Variants in TLE4 observed in about 807,000 individuals in gnomAD.
TLE4 encodes transducin-like enhancer protein 4.
In TLE4, 8 loss-of-function variants were observed where a neutral mutation model predicts 92.8. The observed-to-expected ratio is 0.09, with a 90% CI of 0.05 to 0.16. The LOEUF (loss-of-function observed/expected upper bound fraction) is 0.16, where lower values mean the gene tolerates loss of function less well. Among genes scored for constraint, TLE4 ranks in the 10% least tolerant of loss-of-function variants. The pLI is 1.00. For missense variants in TLE4, 675 were observed against 997.6 expected (o/e 0.68, Z 4.36); for synonymous variants, 371 against 374.1 (o/e 0.99, Z 0.10).
At position 79,574,275 on chromosome 9, in the gene TLE4, C is replaced by T. The variant is rs2036972414; in HGVS notation, c.143+489C>T. 1.3e-5 allele frequency: 2 copies of T among 152,014 alleles called. 1 individual carries two copies. The highest frequency in any genetic ancestry group is 4.1e-4 in the South Asian group (2 of 4,832). The allele number at this position is 152,014 out of a possible 1,614,324, so 9.4% of individuals were successfully genotyped here. A position where few individuals can be genotyped will look rare whatever the true frequency, so the allele number is the denominator to read the frequency against. On this transcript the variant is annotated intron_variant, in intron 2 of 19. Coordinates refer to ENST00000376552, the MANE Select transcript of TLE4 (RefSeq NM_007005.6). ...TAGACGATTTTTAGACTTAGGGTGC[C>T]TTTGAGACATTTTTCTTTAGCTGGC...
At chr9:79,624,364 G>A (rs534817521) in intron 5 of TLE4, among the ~76,000 whole-genome samples, 5 of 152,240 alleles carry the variant, frequency 3.3e-5, no homozygotes, top group African/African-American at 9.6e-5. Context: ...GGCTGAGTGA[G>A]CTAATATATT....
At chr9:79,708,311 T>A in intron 12 of TLE4, 61 bp downstream of exon 12, 2 of 1,570,990 alleles carry the variant, frequency 1.3e-6, no homozygotes, top group South Asian at 1.1e-5. Context: ...TTAAAGCAAT[T>A]TAAGGAGTAC....
intron 14 of TLE4, 139 bp from the exon 15 acceptor site, chr9:79,718,583 A>T: frequency 7.8e-7 from 1 of 1,283,732 alleles, no homozygotes; most frequent in Non-Finnish European, 1.1e-6. Context: ...TATGTTCTTT[A>T]CACTGTATGG....
chr9:79,669,361 T>C (rs1392477393), intron 8 of TLE4, among the ~76,000 whole-genome samples: 1 of 152,140 alleles, frequency 6.6e-6, no homozygotes, highest in African/African-American at 2.4e-5. Flanking sequence ...AGATTTGGAA[T>C]AAGTAGTGAG....
At position 79,708,649 on chromosome 9, in the gene TLE4, A is replaced by G; in HGVS notation, c.1126A>G (p.Ile376Val). 1 of 1,613,986 alleles carries G rather than the reference A, an allele frequency of 6.2e-7. No homozygotes were observed. The highest frequency in any genetic ancestry group is 8.5e-7 in the Non-Finnish European group (1 of 1,180,004). ...VPCPYPTPFG[I>V]VPHAGMNGEL... Reference sequence around the variant, plus strand: ...TTGTCCATATCCAACTCCATTTGGGATTGTGCCCCATGCTGGAATGAACGG... The same window carrying G: ...TTGTCCATATCCAACTCCATTTGGGGTTGTGCCCCATGCTGGAATGAACGG... Residue 376 changes from isoleucine to valine, a missense_variant, in exon 13 of 20, where the codon ATT (isoleucine) becomes GTT (valine). By Grantham distance (29) the Ile-to-Val change is conservative. This residue lies in a region of TLE4 where 119 missense variants were observed against 175.9 expected (regional missense o/e 0.68). Transcript: ENST00000376552.
chr9:79,572,339 A>G lies in TLE4; in HGVS notation c.-452A>G, dbSNP rs2036042581. The G allele has an allele frequency of 1.3e-5, 2 of 152,216 alleles. No homozygotes were observed. Among genetic ancestry groups the G allele is most frequent in the South Asian group, 4.1e-4 (2 of 4,834 alleles). The allele number at this position is 152,216 out of a possible 1,614,324, so 9.4% of individuals were successfully genotyped here. A position where few individuals can be genotyped will look rare whatever the true frequency, so the allele number is the denominator to read the frequency against. On this transcript the variant is annotated 5_prime_UTR_variant, in exon 1 of 20. Coordinates refer to ENST00000376552, the MANE Select transcript of TLE4 (RefSeq NM_007005.6). ...TTGCTTTTAGGGAAGAAGAAAGATC[A>G]TTCATTCGGAGGAATAACAACCAAT...
Position 79,612,723 on chromosome 9 carries a change from G to C in TLE4, c.315+5G>C. On this transcript the variant is annotated splice_donor_5th_base_variant and intron_variant, in intron 5 of 19. Coordinates refer to ENST00000376552, the MANE Select transcript of TLE4 (RefSeq NM_007005.6). ...ATTCCTTTCCTGTCCCAAGAGGTAA[G>C]GTAGTTGATTTTAGGCACTGGACTA... 6.2e-7 allele frequency: 1 copy of C among 1,612,948 alleles called. No individual in the cohort carries two copies. Among genetic ancestry groups the C allele is most frequent in the African/African-American group, 1.3e-5 (1 of 74,930 alleles).
At chr9:79,627,949 C>T (rs2053083958) in intron 6 of TLE4, among the ~76,000 whole-genome samples, 1 of 152,134 alleles carries the variant, frequency 6.6e-6, no homozygotes, top group South Asian at 2.1e-4. Flanking sequence ...AGATGAACTA[C>T]ACTTTATTTT....
intron 4 of TLE4, among the ~76,000 whole-genome samples, chr9:79,597,081 A>G (rs7867391): frequency 0.038 from 5,776 of 152,242 alleles, 208 homozygotes; most frequent in African/African-American, 0.093. Flanking sequence ...CAGGTTTTAC[A>G]CACTGGAATC....
intron 6 of TLE4, among the ~76,000 whole-genome samples, chr9:79,644,241 C>T (rs747265241): frequency 2.6e-4 from 40 of 152,090 alleles, no homozygotes; most frequent in Admixed American, 7.2e-4. Context: ...CCTGCTGCCA[C>T]GTGAAGAAGG....
At chr9:79,649,301 C>CA (rs2058579197) in intron 6 of TLE4, among the ~76,000 whole-genome samples, 1 of 144,690 alleles carries the variant, frequency 6.9e-6, no homozygotes, top group African/African-American at 2.5e-5. Context: ...CACACACACA[C>CA]AACAAGGCAG....
At chr9:79,666,163 CTGTG>C (rs34558090) in intron 8 of TLE4, among the ~76,000 whole-genome samples, 21,530 of 126,048 alleles carry the variant, frequency 0.17, 1,992 homozygotes, top group African/African-American at 0.27. Flanking sequence ...TTTCCTTCAT[CTGTG>C]TGTGTGTGTG....
Position 79,666,163 on chromosome 9 carries a change from C to CTG in TLE4, c.609+12121_609+12122dup, listed in dbSNP as rs34558090. 7.9e-3 allele frequency among the ~76,000 whole-genome samples: 1,001 copies of CTG among 126,444 alleles called. 8 individuals are homozygous for CTG. The highest frequency in any genetic ancestry group is 0.015 in the South Asian group (58 of 3,764). The allele number at this position is 126,444 out of a possible 152,430, so 83.0% of individuals were successfully genotyped here. The stretch of plus-strand genomic sequence containing the variant: ...TATGAATCTCTGCTGTTTCCTTCAT[C>CTG]TGTGTGTGTGTGTGTGTGTGTGTGT... On this transcript the variant is annotated intron_variant, in intron 8 of 19. Transcript: ENST00000376552.
chr9:79,627,062 G>A (rs1463479298), intron 5 of TLE4, among the ~76,000 whole-genome samples: 1 of 152,184 alleles, frequency 6.6e-6, no homozygotes, highest in African/African-American at 2.4e-5. Context: ...TTGTTTGTTA[G>A]TACTAATAGC....
intron 8 of TLE4, among the ~76,000 whole-genome samples, chr9:79,696,090 C>T (rs1440953355): frequency 6.6e-6 from 1 of 152,050 alleles, no homozygotes; most frequent in Admixed American, 6.5e-5. Context: ...GTGGCCAGTC[C>T]AAATTGAGGT....
In TLE4 at chr9:79,617,823, G is replaced by GT. The variant is rs536949251; in HGVS notation, c.315+5111dup. Among the ~76,000 whole-genome samples, 85 of 137,986 alleles carry GT rather than the reference G, an allele frequency of 6.2e-4. 1 individual carries two copies. The East Asian group carries it at 0.014, about 23-fold the overall frequency. 90.5% of individuals were successfully genotyped at this position (137,986 alleles called of 152,430 possible). A position where few individuals can be genotyped will look rare whatever the true frequency, so the allele number is the denominator to read the frequency against. On this transcript the variant is annotated intron_variant, in intron 5 of 19. Transcript: ENST00000376552. ...TTTAACAGAGATCAAAGGAACAGTG[G>GT]TTTTTTCAAGGAAAAAAAAAAAAAA...
chr9:79,587,360 A>G (rs962954309), intron 4 of TLE4, among the ~76,000 whole-genome samples: 9 of 152,226 alleles, frequency 5.9e-5, no homozygotes, highest in African/African-American at 2.2e-4. Context: ...TCAGTCTGCT[A>G]CAGGTCCTTG....
chr9:79,720,194 G>C lies in TLE4; in HGVS notation c.1739G>C (p.Cys580Ser). The C allele has an allele frequency of 6.2e-7, 1 of 1,614,186 alleles. No individual in the cohort carries two copies. The highest frequency in any genetic ancestry group is 1.3e-5 in the African/African-American group (1 of 75,038). The change falls in exon 16 of 20, where the codon TGC becomes TCC. Residue 580 changes from cysteine to serine, a missense_variant. By Grantham distance (112) the Cys-to-Ser change is moderately radical. Around this residue, in one of 5 missense-constraint regions of TLE4, gnomAD observed 170 missense variants for 359.6 expected, o/e 0.47. Transcript: ENST00000376552. ...GAGCTGACATCCTCGGCCCCCGCCT[G>C]CTATGCCCTGGCCATCAGCCCCGAT... ...KAELTSSAPACYALAISPDSK... is the reference protein window; with the variant it reads ...KAELTSSAPASYALAISPDSK...
At chr9:79,595,659 A>C (rs987487897) in intron 4 of TLE4, among the ~76,000 whole-genome samples, 1 of 152,156 alleles carries the variant, frequency 6.6e-6, no homozygotes, top group Non-Finnish European at 1.5e-5. Flanking sequence ...AATCAAATTC[A>C]AGGTGGTCTG....
Sources: gnomAD v4.1 joint callset for allele counts (sites outside exome capture counted in the v4.1 genomes callset) on GRCh38, gnomAD v4.1.1 for gene constraint, gnomAD v4.1.1 regional missense constraint, MANE v1.5 for transcripts, NCBI Gene and HGNC (gene_info 2026-07-23, HGNC 2026-07-21) for gene names.